Variants in LIN52 observed in about 807,000 individuals in gnomAD.
LIN52 encodes the protein lin-52 DREAM MuvB core complex component, also known as protein lin-52 homolog.
Under a neutral mutation model 18.5 loss-of-function variants are expected in LIN52, and 4 were observed. The ratio of observed to expected loss-of-function variants is 0.22; its 90% CI spans 0.11 to 0.49. The LOEUF (loss-of-function observed/expected upper bound fraction) is 0.49. Among genes scored for constraint, LIN52 ranks in the 20% least tolerant of loss-of-function variants. The probability of loss-of-function intolerance (pLI) is 0.97; values close to 1 mark genes in which losing one functional copy is unlikely to be tolerated. For synonymous variants in LIN52, 34 were observed against 45.5 expected, an observed-to-expected ratio of 0.75 and a Z score of 1.02; for missense variants, 102 against 139.5, an observed-to-expected ratio of 0.73 and a Z score of 1.35.
At chr14:74,178,034 C>G (rs924345984) in intron 5 of LIN52, among the ~76,000 whole-genome samples, 2 of 152,150 alleles carry the variant, frequency 1.3e-5, no homozygotes, top group Non-Finnish European at 2.9e-5. Flanking sequence ...CTGCCTCGGC[C>G]TCCCAAAGCA....
intron 5 of LIN52, among the ~76,000 whole-genome samples, chr14:74,130,286 T>TG (rs2061056818): frequency 1.6e-5 from 2 of 128,746 alleles, no homozygotes; most frequent in South Asian, 2.4e-4. Flanking sequence ...TGGTTTTTTT[T>TG]TTTTTTTTTT....
chr14:74,143,534 A>G (rs574793282), intron 5 of LIN52, among the ~76,000 whole-genome samples: 17 of 152,352 alleles, frequency 1.1e-4, no homozygotes, highest in African/African-American at 3.8e-4. Context: ...AGCCTGGGCA[A>G]CAGAATGAGA....
intron 5 of LIN52, among the ~76,000 whole-genome samples, chr14:74,169,477 T>G (rs2061262331): frequency 6.6e-6 from 1 of 152,176 alleles, no homozygotes; most frequent in Non-Finnish European, 1.5e-5. Context: ...ATAAGTCTAT[T>G]CCTCTTCCAA....
intron 4 of LIN52, among the ~76,000 whole-genome samples, chr14:74,099,759 A>C (rs1478658441): frequency 6.6e-6 from 1 of 152,086 alleles, no homozygotes; most frequent in Middle Eastern, 3.2e-3. Context: ...ACAGGGAGTC[A>C]AAGCTGTCCT....
At position 74,175,803 on chromosome 14, in the gene LIN52, A is replaced by G. The variant is rs192049114; in HGVS notation, c.284-23119A>G. Among the ~76,000 whole-genome samples the G allele has an allele frequency of 1.2e-4, 18 of 151,522 alleles. No individual in the cohort carries two copies. The East Asian group carries it at 2.5e-3, about 21-fold the overall frequency. On this transcript the variant is annotated intron_variant, in intron 5 of 5. Transcript: ENST00000555028. Reference sequence around the variant, plus strand: ...TTCTCCTTCTTTATATCCTTTTTCTATAAGATTTTTCTATCTTTAAAATTG... The same window carrying G: ...TTCTCCTTCTTTATATCCTTTTTCTGTAAGATTTTTCTATCTTTAAAATTG...
At chr14:74,195,809 G>T (rs1187383228) in intron 5 of LIN52, among the ~76,000 whole-genome samples, 2 of 152,174 alleles carry the variant, frequency 1.3e-5, no homozygotes, top group African/African-American at 2.4e-5. Flanking sequence ...TAGCAGGTCG[G>T]TAAGAATCTT....
intron 5 of LIN52, among the ~76,000 whole-genome samples, chr14:74,172,422 TA>T (rs1243264029): frequency 1.3e-5 from 2 of 152,312 alleles, no homozygotes; most frequent in East Asian, 1.9e-4. Flanking sequence ...TATCTACTTA[TA>T]GGGGGGTTGT....
intron 5 of LIN52, among the ~76,000 whole-genome samples, chr14:74,184,890 T>C (rs946965812): frequency 6.6e-6 from 1 of 152,188 alleles, no homozygotes; most frequent in African/African-American, 2.4e-5. Context: ...AGTTGGCTCC[T>C]GTCTTTTGAC....
intron 5 of LIN52, among the ~76,000 whole-genome samples, chr14:74,101,749 C>T (rs185749561): frequency 5.6e-4 from 85 of 152,136 alleles, no homozygotes; most frequent in African/African-American, 1.8e-3. Context: ...CGTGAGCCAC[C>T]GCGCCCGGCC....
chr14:74,183,300 C>T (rs1332524655), intron 5 of LIN52, among the ~76,000 whole-genome samples: 1 of 152,024 alleles, frequency 6.6e-6, no homozygotes, highest in East Asian at 1.9e-4. Context: ...GGGGATTCAC[C>T]ATGTTAGCCA....
chr14:74,093,128 T>G (rs1413722434), intron 2 of LIN52, among the ~76,000 whole-genome samples: 3 of 151,316 alleles, frequency 2.0e-5, no homozygotes, highest in African/African-American at 7.3e-5. Context: ...ATTTTTGTAT[T>G]TGTAGTACAG....
intron 5 of LIN52, among the ~76,000 whole-genome samples, chr14:74,172,522 CT>C (rs1338178318): frequency 2.0e-5 from 3 of 152,128 alleles, no homozygotes; most frequent in Admixed American, 6.5e-5. Context: ...ATAGCACAAA[CT>C]CTTCACTGCG....
intron 5 of LIN52, among the ~76,000 whole-genome samples, chr14:74,183,657 C>T (rs1005889): frequency 0.11 from 16,989 of 151,966 alleles, 1,250 homozygotes; most frequent in Admixed American, 0.19. Context: ...CCCTGTGTAC[C>T]CATCCCCAGC....
intron 5 of LIN52, among the ~76,000 whole-genome samples, chr14:74,154,657 C>G (rs563186793): frequency 2.6e-5 from 4 of 152,038 alleles, no homozygotes; most frequent in Non-Finnish European, 5.9e-5. Flanking sequence ...TCTGTATTGG[C>G]CTTTTAATTA....
chr14:74,189,526 T>A (rs910947447), intron 5 of LIN52, among the ~76,000 whole-genome samples: 1 of 152,190 alleles, frequency 6.6e-6, no homozygotes, highest in Non-Finnish European at 1.5e-5. Context: ...TTGGGGGTTT[T>A]TTGCTGTTGT....
At chr14:74,131,763 T>G (rs1419136569) in intron 5 of LIN52, among the ~76,000 whole-genome samples, 1 of 152,258 alleles carries the variant, frequency 6.6e-6, no homozygotes, top group Non-Finnish European at 1.5e-5. Context: ...TATACTGTTA[T>G]AGTCCTTGTC....
At chr14:74,085,997 T>C (rs781486251) in intron 1 of LIN52, among the ~76,000 whole-genome samples, 1 of 152,004 alleles carries the variant, frequency 6.6e-6, no homozygotes, top group East Asian at 1.9e-4. Context: ...AAAAGATGAC[T>C]CAAACATATA....
intron 5 of LIN52, among the ~76,000 whole-genome samples, chr14:74,146,087 A>C (rs1438174457): frequency 6.6e-6 from 1 of 152,208 alleles, no homozygotes; most frequent in Non-Finnish European, 1.5e-5. Flanking sequence ...GGTACATAAT[A>C]GATAGGTGCT....
chr14:74,133,926 AC>A, intron 5 of LIN52, among the ~76,000 whole-genome samples: 1 of 152,198 alleles, frequency 6.6e-6, no homozygotes, highest in African/African-American at 2.4e-5. Context: ...CAGCATTTAC[AC>A]ATGACCCATG....
Sources: allele counts gnomAD v4.1 joint callset (sites outside exome capture counted in the v4.1 genomes callset), GRCh38; gene constraint gnomAD v4.1.1; transcripts MANE v1.5; gene names NCBI Gene and HGNC (gene_info 2026-07-23, HGNC 2026-07-21).